Variants in CDYL observed in about 807,000 individuals in gnomAD.
CDYL encodes chromodomain Y-like protein.
A neutral mutation model predicts 47.3 loss-of-function variants in CDYL; 8 were observed. That is an observed-to-expected ratio of 0.17 (90% CI 0.10 to 0.31). CDYL has a LOEUF of 0.31. Among genes scored for constraint, CDYL ranks in the 10% least tolerant of loss-of-function variants. CDYL has a pLI of 1.00. For missense variants in CDYL, 471 were observed against 701.4 expected (o/e 0.67, Z 3.71); for synonymous variants, 266 against 265.0 (o/e 1.00, Z -0.04).
At chr6:4,907,380 G>C (rs906614628) in intron 2 of CDYL, among the ~76,000 whole-genome samples, 1 of 152,054 alleles carries the variant, frequency 6.6e-6, no homozygotes, top group Non-Finnish European at 1.5e-5. Context: ...TCTGAGACAG[G>C]GTCCGGCTCC....
chr6:4,715,385 G>C (rs536002629), intron 1 of CDYL, among the ~76,000 whole-genome samples: 11 of 152,288 alleles, frequency 7.2e-5, no homozygotes, highest in African/African-American at 2.6e-4. Context: ...TTTCATGACT[G>C]CAAATGATAG....
intron 1 of CDYL, among the ~76,000 whole-genome samples, chr6:4,876,678 C>CT (rs113765840): frequency 0.05 from 7,581 of 152,214 alleles, 612 homozygotes; most frequent in African/African-American, 0.17. Flanking sequence ...ATGTTCAAAT[C>CT]TTTGCCAACA....
chr6:4,794,966 T>C (rs1759028916), intron 1 of CDYL, among the ~76,000 whole-genome samples: 1 of 152,150 alleles, frequency 6.6e-6, no homozygotes, highest in African/African-American at 2.4e-5. Flanking sequence ...GGATAGTTTT[T>C]TTTTTCTTTT....
Position 4,841,460 on chromosome 6 carries a change from T to C in CDYL, c.25-50253T>C, listed in dbSNP as rs568677612. Among the ~76,000 whole-genome samples, 38 of 152,286 alleles carry C rather than the reference T, an allele frequency of 2.5e-4. 1 individual carries two copies. In the South Asian group the frequency reaches 5.6e-3, roughly 22 times the overall value. Reference sequence around the variant, plus strand: ...TGGGTTTGGTTTGTTCTTGTTTTTATGATTCCTTGAGATGTGACCTTAGAT... The same window carrying C: ...TGGGTTTGGTTTGTTCTTGTTTTTACGATTCCTTGAGATGTGACCTTAGAT... On this transcript the variant is annotated intron_variant, in intron 1 of 6. Coordinates refer to ENST00000397588, the MANE Select transcript of CDYL (RefSeq NM_004824.4).
At chr6:4,841,965 A>G (rs959970063) in intron 1 of CDYL, among the ~76,000 whole-genome samples, 3 of 146,086 alleles carry the variant, frequency 2.1e-5, no homozygotes, top group Non-Finnish European at 4.5e-5. Flanking sequence ...TTATATTAAT[A>G]TTATATTAAT....
chr6:4,840,407 T>C (rs569765066), intron 1 of CDYL, among the ~76,000 whole-genome samples: 2 of 152,150 alleles, frequency 1.3e-5, no homozygotes, highest in African/African-American at 4.8e-5. Context: ...TTCTTTCTTT[T>C]GTTTGATTGC....
At chr6:4,804,508 G>A (rs1235579067) in intron 1 of CDYL, among the ~76,000 whole-genome samples, 1 of 152,218 alleles carries the variant, frequency 6.6e-6, no homozygotes, top group African/African-American at 2.4e-5. Context: ...GGGAGCCAGA[G>A]AGAGCTTGTT....
exon 3 of CDYL, chr6:4,734,778 G>A: frequency 1.2e-6 from 2 of 1,614,150 alleles, no homozygotes; most frequent in South Asian, 2.2e-5. Context: ...CACCAGATGG[G>A]CCTTCAGACC....
rs185879671 is a variant in CDYL, at chr6:4,758,943, A to G, written c.186+24099A>G. 1.5e-4 allele frequency among the ~76,000 whole-genome samples: 22 copies of G among 149,032 alleles called. No individual in the cohort carries two copies. In the East Asian group the frequency reaches 2.2e-3, roughly 15 times the overall value. On this transcript the variant is annotated intron_variant, in intron 3 of 8. Transcript: ENST00000328908. ...TGAAGAGGCTCTTTCTGATCTTTCT[A>G]CCTCAATCACCCAGTTTTCTTTTTC...
In CDYL at chr6:4,756,590, G is replaced by C. The variant is rs11961126; in HGVS notation, c.186+21746G>C. 2.4e-4 allele frequency among the ~76,000 whole-genome samples: 28 copies of C among 118,604 alleles called. No individual in the cohort carries two copies. In the East Asian group the frequency reaches 3.2e-3, roughly 14 times the overall value. The allele number at this position is 118,604 out of a possible 152,430, so 77.8% of individuals were successfully genotyped here. A position where few individuals can be genotyped will look rare whatever the true frequency, so the allele number is the denominator to read the frequency against. The stretch of plus-strand genomic sequence containing the variant: ...AAAATTATCGTGTGTATGTGTGTGT[G>C]TGTGTGTGTGTGTGTGTGTGTGTGT... On this transcript the variant is annotated intron_variant, in intron 3 of 8. Coordinates refer to the CDYL transcript ENST00000328908.
chr6:4,759,545 T>C (rs1179084795), intron 3 of CDYL, among the ~76,000 whole-genome samples: 2 of 152,046 alleles, frequency 1.3e-5, no homozygotes, highest in African/African-American at 4.8e-5. Flanking sequence ...TTGTAGATCC[T>C]AGTGCTTAAA....
rs1474634520 is a variant in CDYL, at chr6:4,954,292, C to G, written c.*236C>G. 7.8e-6 allele frequency: 3 copies of G among 384,560 alleles called. No homozygotes were observed. The highest frequency in any genetic ancestry group is 8.6e-5 in the East Asian group (2 of 23,202). The allele number at this position is 384,560 out of a possible 1,614,324, so 23.8% of individuals were successfully genotyped here. On this transcript the variant is annotated 3_prime_UTR_variant, in exon 7 of 7. Transcript: ENST00000397588. ...AACGTCATTATTTTATACTTATATA[C>G]ACGCAGGTGTAAAAGTATAAAGGTG...
intron 2 of CDYL, among the ~76,000 whole-genome samples, chr6:4,897,794 T>TG (rs1554105983): frequency 0.02 from 2,926 of 146,196 alleles, 89 homozygotes; most frequent in African/African-American, 0.067. Flanking sequence ...GTTTTTGTTT[T>TG]TTTTTTTTAA....
chr6:4,860,403 A>G (rs899949736), intron 1 of CDYL, among the ~76,000 whole-genome samples: 2 of 151,512 alleles, frequency 1.3e-5, no homozygotes, highest in African/African-American at 4.9e-5. Flanking sequence ...ATAGTGTAGC[A>G]TGCAGGTGCT....
At chr6:4,865,771 G>C (rs1165007339) in intron 1 of CDYL, among the ~76,000 whole-genome samples, 2 of 152,178 alleles carry the variant, frequency 1.3e-5, no homozygotes, top group Non-Finnish European at 2.9e-5. Flanking sequence ...TTTTAAACTT[G>C]TTTGCCTTCG....
chr6:4,916,269 AT>A (rs1463584647), intron 2 of CDYL, among the ~76,000 whole-genome samples: 1 of 152,194 alleles, frequency 6.6e-6, no homozygotes, highest in South Asian at 2.1e-4. Flanking sequence ...GATTAACTTG[AT>A]TGCTTTAAAC....
In CDYL at chr6:4,914,491, C is replaced by T. The variant is rs188577881; in HGVS notation, c.692-21024C>T. ...CTATTATCTGTCTCTTGTGTTCTGC[C>T]GCAGTTGAGACAGTCCACATGGCCC... On this transcript the variant is annotated intron_variant, in intron 2 of 6. Transcript: ENST00000397588. Among the ~76,000 whole-genome samples the T allele has an allele frequency of 5.4e-3, 824 of 152,262 alleles. 9 individuals carry two copies. The highest frequency in any genetic ancestry group is 0.019 in the African/African-American group (785 of 41,544).
chr6:4,936,314 A>T (rs529519989), intron 3 of CDYL, among the ~76,000 whole-genome samples: 1 of 152,182 alleles, frequency 6.6e-6, no homozygotes, highest in East Asian at 1.9e-4. Flanking sequence ...CCTAGTAAGT[A>T]AGTTTTCCAG....
chr6:4,892,196 G>A lies in CDYL; in HGVS notation c.508G>A (p.Glu170Lys), dbSNP rs147719814. Residue 170 changes from glutamate to lysine, a missense_variant, in exon 2 of 7, where the codon GAG becomes AAG. Physicochemically the swap from Glu to Lys is moderately conservative, Grantham distance 56 (BLOSUM62 1). Coordinates refer to ENST00000397588, the MANE Select transcript of CDYL (RefSeq NM_004824.4). ...SESPEKLDPV[E>K]QGQEDTVAPE... ...GAGCCCTGAGAAACTGGACCCCGTC[G>A]AGCAGGGTCAGGAGGACACAGTGGC... 611 of 1,614,098 alleles carry A rather than the reference G, an allele frequency of 3.8e-4. No individual in the cohort carries two copies. The highest frequency in any genetic ancestry group is 1.4e-3 in the East Asian group (64 of 44,894).
Sources: allele counts gnomAD v4.1 joint callset (sites outside exome capture counted in the v4.1 genomes callset), GRCh38; gene constraint gnomAD v4.1.1; transcripts MANE v1.5; gene names NCBI Gene and HGNC (gene_info 2026-07-23, HGNC 2026-07-21).